CNTN4: variants seen among roughly 807,000 people sequenced by gnomAD.
The protein encoded by CNTN4 is contactin-4.
Under a neutral mutation model 122.5 loss-of-function variants are expected in CNTN4, and 77 were observed. The ratio of observed to expected loss-of-function variants is 0.63; its 90% CI spans 0.52 to 0.76. CNTN4 has a LOEUF of 0.76. Among genes scored for constraint, CNTN4 ranks in the 30% least tolerant of loss-of-function variants. CNTN4 has a pLI of 0.00. For synonymous variants in CNTN4, 512 were observed against 447.0 expected (o/e 1.15, Z -1.83); for missense variants, 1,256 against 1,259.1 (o/e 1.00, Z 0.04).
intron 3 of CNTN4, among the ~76,000 whole-genome samples, chr3:2,549,758 A>T (rs112412872): frequency 0.033 from 4,978 of 152,236 alleles, 114 homozygotes; most frequent in Non-Finnish European, 0.051. Flanking sequence ...TGTTTGGAAT[A>T]GTTTCAGAAA....
chr3:2,368,054 G>A (rs1299615345), intron 3 of CNTN4, among the ~76,000 whole-genome samples: 13 of 137,424 alleles, frequency 9.5e-5, no homozygotes, highest in African/African-American at 2.4e-4. Flanking sequence ...TTTTTTTGAG[G>A]TGGAGTGTCG....
intron 6 of CNTN4, among the ~76,000 whole-genome samples, chr3:2,807,810 C>T (rs1421562318): frequency 2.6e-5 from 4 of 152,250 alleles, no homozygotes; most frequent in Non-Finnish European, 4.4e-5. Flanking sequence ...AATTTTTCTG[C>T]AGAGCATGGA....
At chr3:2,967,419 A>G (rs1271305334) in intron 13 of CNTN4, among the ~76,000 whole-genome samples, 4 of 152,032 alleles carry the variant, frequency 2.6e-5, no homozygotes, top group African/African-American at 9.7e-5. Flanking sequence ...CCTAAACCAT[A>G]ATTTCTAATC....
intron 3 of CNTN4, among the ~76,000 whole-genome samples, chr3:2,474,722 C>G (rs931754234): frequency 5.3e-5 from 8 of 152,156 alleles, no homozygotes; most frequent in African/African-American, 1.9e-4. Context: ...ATAATTAGTA[C>G]AAATCAACTG....
At position 2,729,414 on chromosome 3, in the gene CNTN4, A is replaced by G. The variant is rs138637468; in HGVS notation, c.56-6801A>G. On this transcript the variant is annotated intron_variant, in intron 4 of 24. Transcript: ENST00000418658. Reference sequence around the variant, plus strand: ...CAAAAAATTAGCCGGGCGTGGTGGCAGGCGCCTGTATTTCCAGCTACTCGG... The same window carrying G: ...CAAAAAATTAGCCGGGCGTGGTGGCGGGCGCCTGTATTTCCAGCTACTCGG... Among the ~76,000 whole-genome samples, 1,426 of 150,326 alleles carry G rather than the reference A, an allele frequency of 9.5e-3. 54 individuals carry two copies. Among genetic ancestry groups the G allele is most frequent in the African/African-American group, 0.033 (1,329 of 39,980 alleles).
At chr3:2,522,653 A>G (rs1027460598) in intron 3 of CNTN4, among the ~76,000 whole-genome samples, 9 of 152,042 alleles carry the variant, frequency 5.9e-5, no homozygotes, top group Non-Finnish European at 1.2e-4. Context: ...CTTCTTAAAC[A>G]TTAGTGTGTG....
At chr3:2,517,720 C>T (rs916950314) in intron 3 of CNTN4, among the ~76,000 whole-genome samples, 8 of 152,124 alleles carry the variant, frequency 5.3e-5, no homozygotes, top group African/African-American at 1.9e-4. Flanking sequence ...AAGAACTTTG[C>T]CTCCTCGCTG....
intron 4 of CNTN4, among the ~76,000 whole-genome samples, chr3:2,667,905 T>C (rs1389963950): frequency 1.3e-5 from 2 of 152,124 alleles, no homozygotes; most frequent in Admixed American, 6.5e-5. Context: ...TAGTTATAGA[T>C]ATGTGGCATT....
intron 10 of CNTN4, among the ~76,000 whole-genome samples, chr3:2,892,707 T>G (rs1214781880): frequency 1.3e-5 from 2 of 152,214 alleles, no homozygotes; most frequent in African/African-American, 2.4e-5. Context: ...TTCTTCTCTT[T>G]GTAACAGGTG....
At chr3:2,147,114 C>T (rs889886781) in intron 2 of CNTN4, among the ~76,000 whole-genome samples, 2 of 152,070 alleles carry the variant, frequency 1.3e-5, no homozygotes, top group East Asian at 1.9e-4. Flanking sequence ...CTCTTGACCT[C>T]GTGATCCACC....
intron 5 of CNTN4, among the ~76,000 whole-genome samples, chr3:2,741,694 G>T (rs2089465491): frequency 6.6e-6 from 1 of 152,186 alleles, no homozygotes; most frequent in Admixed American, 6.5e-5. Flanking sequence ...ACTGGTCCTT[G>T]TTTGCCTTGC....
chr3:2,436,809 A>G (rs2048274335), intron 3 of CNTN4, among the ~76,000 whole-genome samples: 3 of 149,734 alleles, frequency 2.0e-5, no homozygotes, highest in Non-Finnish European at 3.0e-5. Context: ...TCAAATATAT[A>G]TGAAATATAT....
intron 3 of CNTN4, among the ~76,000 whole-genome samples, chr3:2,420,544 T>C (rs1405605135): frequency 6.6e-6 from 1 of 152,098 alleles, no homozygotes; most frequent in Non-Finnish European, 1.5e-5. Flanking sequence ...CAAGCAATTC[T>C]TGGGCCTCAG....
chr3:2,213,505 A>G (rs12635032), intron 2 of CNTN4, among the ~76,000 whole-genome samples: 13,978 of 152,286 alleles, frequency 0.092, 1,083 homozygotes, highest in East Asian at 0.41. Context: ...CTGGAATGTG[A>G]TCTACACCTG....
At chr3:2,226,996 T>C (rs1329786208) in intron 2 of CNTN4, among the ~76,000 whole-genome samples, 1 of 152,146 alleles carries the variant, frequency 6.6e-6, no homozygotes, top group Non-Finnish European at 1.5e-5. Context: ...CACACAGATA[T>C]GTAAGTGACT....
chr3:2,175,006 A>G (rs1399781124), intron 2 of CNTN4, among the ~76,000 whole-genome samples: 1 of 152,172 alleles, frequency 6.6e-6, no homozygotes, highest in Non-Finnish European at 1.5e-5. Flanking sequence ...ACAATTCAAC[A>G]TGAGATTTGG....
chr3:2,685,218 T>G (rs2085371476), intron 4 of CNTN4, among the ~76,000 whole-genome samples: 1 of 152,124 alleles, frequency 6.6e-6, no homozygotes, highest in African/African-American at 2.4e-5. Flanking sequence ...CAAGGTAACT[T>G]TTATTGCAGA....
chr3:2,905,205 G>T (rs572001937), intron 12 of CNTN4, among the ~76,000 whole-genome samples: 3 of 152,124 alleles, frequency 2.0e-5, no homozygotes, highest in Non-Finnish European at 2.9e-5. Context: ...ATGAATTTTT[G>T]ATCTGAGCTC....
At chr3:2,705,886 T>G (rs1192853161) in intron 4 of CNTN4, among the ~76,000 whole-genome samples, 1 of 75,202 alleles carries the variant, frequency 1.3e-5, no homozygotes, top group African/African-American at 5.1e-5. Context: ...ATTTTTTATA[T>G]AATATATAAA....
Sources: gnomAD v4.1 joint callset for allele counts (sites outside exome capture counted in the v4.1 genomes callset) on GRCh38, gnomAD v4.1.1 for gene constraint, MANE v1.5 for transcripts, NCBI Gene and HGNC (gene_info 2026-07-23, HGNC 2026-07-21) for gene names.